CALR3: variants seen among roughly 807,000 people sequenced by gnomAD.
CALR3 encodes calreticulin-3.
CALR3 carries 39 observed loss-of-function variants against 48.7 expected under a neutral mutation model. The ratio of observed to expected loss-of-function variants is 0.80; its 90% CI spans 0.62 to 1.05. CALR3 has a LOEUF of 1.05. Among genes scored for constraint, CALR3 ranks in the 50% least tolerant of loss-of-function variants. The pLI, the probability that CALR3 is intolerant of heterozygous loss-of-function variation, is 0.00. For synonymous variants in CALR3, 185 were observed against 172.7 expected, an observed-to-expected ratio of 1.07 and a Z score of -0.56; for missense variants, 449 against 474.7, an observed-to-expected ratio of 0.95 and a Z score of 0.50.
At chr19:16,495,716 C>T (rs770362194) in intron 2 of CALR3, 35 bp downstream of exon 2, 1 of 1,520,522 alleles carries the variant, frequency 6.6e-7, no homozygotes, top group East Asian at 2.2e-5. Flanking sequence ...GGAAATGTAA[C>T]ATTAGGCTCA....
chr19:16,482,570 T>C lies in CALR3; in HGVS notation c.798A>G (p.Lys266=). 2 of 1,614,174 alleles carry C rather than the reference T, an allele frequency of 1.2e-6. No individual in the cohort carries two copies. Among genetic ancestry groups the C allele is most frequent in the Non-Finnish European group, 1.7e-6 (2 of 1,180,046 alleles). Residue 266 remains lysine (K), a synonymous_variant, in exon 7 of 9, where the codon AAA becomes AAG. Transcript: ENST00000269881. ...AGACGTCTTTATGAATACCTTCTGG[T>C]TTCAGGCCATCCTGTATCAAAAAAA... ...LQKPPYQDGL[K]PEGIHKDVWL... is the part of the protein sequence containing the mutation.
Position 16,485,171 on chromosome 19 carries a change from T to A in CALR3, c.484A>T (p.Arg162Trp), listed in dbSNP as rs1172919657. ...NKYHENKKLI[R>W]CKVDGFTHLY... ...AATACAAGAGCAGTTACCTTACACC[T>A]GATCAGTTTCTTGTTTTCGTGATAC... is the stretch of plus-strand genomic sequence containing the variant. Residue 162 changes from arginine to tryptophan, a missense_variant, in exon 4 of 9, where the codon AGG becomes TGG. By Grantham distance (101) the Arg-to-Trp change is moderately radical (BLOSUM62 -3). Coordinates refer to ENST00000269881, the MANE Select transcript of CALR3 (RefSeq NM_145046.5). The A allele has an allele frequency of 1.9e-6, 3 of 1,595,836 alleles. No homozygotes were observed. The highest frequency in any genetic ancestry group is 2.6e-6 in the Non-Finnish European group (3 of 1,163,708).
chr19:16,483,794 G>A lies in CALR3; in HGVS notation c.678+136C>T, dbSNP rs564650089. 3.9e-6 allele frequency: 3 copies of A among 768,442 alleles called. No individual in the cohort carries two copies. The African/African-American group carries it at 5.2e-5, about 13-fold the overall frequency. 47.6% of individuals were successfully genotyped at this position (768,442 alleles called of 1,614,324 possible). ...TGTGTAGAGATGTGGCTGGTCTGCA[G>A]TGTGTGCTCTGGGGAGGGCATTTGG... On this transcript the variant is annotated intron_variant, in intron 5 of 8. Coordinates refer to ENST00000269881, the MANE Select transcript of CALR3 (RefSeq NM_145046.5).
chr19:16,489,904 T>A (rs1482967452), intron 3 of CALR3, among the ~76,000 whole-genome samples: 1 of 151,938 alleles, frequency 6.6e-6, no homozygotes, highest in Non-Finnish European at 1.5e-5. Flanking sequence ...AATCAAAAAA[T>A]CGCAAATCTG....
intron 2 of CALR3, 77 bp downstream of exon 2, chr19:16,495,674 G>T: frequency 8.9e-7 from 1 of 1,120,034 alleles, no homozygotes; most frequent in Non-Finnish European, 1.4e-6. Flanking sequence ...AAGCGTTTTG[G>T]CTGTGCCACA....
intron 8 of CALR3, among the ~76,000 whole-genome samples, chr19:16,479,756 TCAAAA>T (rs527383415): frequency 1.1e-4 from 17 of 151,104 alleles, no homozygotes; most frequent in Admixed American, 5.3e-4. Context: ...AAAACCCGTC[TCAAAA>T]CAAAACAAAA....
chr19:16,483,616 G>GTAATA, intron 5 of CALR3: 1 of 284,852 alleles, frequency 3.5e-6, no homozygotes, highest in Non-Finnish European at 6.9e-6. Flanking sequence ...TATTCGGGAG[G>GTAATA]CTGAGGCAGG....
chr19:16,495,615 C>A (rs2093406520), intron 2 of CALR3, 136 bp downstream of exon 2: 1 of 693,520 alleles, frequency 1.4e-6, no homozygotes, highest in East Asian at 2.8e-5. Context: ...AAAGGAGCCC[C>A]TTAAGTTCTA....
At position 16,482,587 on chromosome 19, in the gene CALR3, T is replaced by G. The variant is rs370008854; in HGVS notation, c.787-6A>C. On this transcript the variant is annotated splice_region_variant and splice_polypyrimidine_tract_variant and intron_variant, in intron 6 of 8. Coordinates refer to ENST00000269881, the MANE Select transcript of CALR3 (RefSeq NM_145046.5). ...CCTTCTGGTTTCAGGCCATCCTGTA[T>G]CAAAAAAACCATATGGGGTGGTCTC... 6.2e-7 allele frequency: 1 copy of G among 1,614,110 alleles called. No homozygotes were observed.
At chr19:16,481,285 CA>C (rs1392965116) in intron 7 of CALR3, among the ~76,000 whole-genome samples, 1 of 152,088 alleles carries the variant, frequency 6.6e-6, no homozygotes, top group Non-Finnish European at 1.5e-5. Context: ...ACATATGTAA[CA>C]ACTTTTCAAA....
chr19:16,480,385 C>T (rs1335324096), intron 8 of CALR3, among the ~76,000 whole-genome samples: 1 of 151,630 alleles, frequency 6.6e-6, no homozygotes, highest in Non-Finnish European at 1.5e-5. Flanking sequence ...AACCCCCTCT[C>T]TACTAAAAAT....
At chr19:16,486,438 G>A (rs1466120834) in intron 3 of CALR3, among the ~76,000 whole-genome samples, 3 of 151,900 alleles carry the variant, frequency 2.0e-5, no homozygotes, top group African/African-American at 7.3e-5. Flanking sequence ...TGACTAACAT[G>A]GTGAAACCCC....
Position 16,482,580 on chromosome 19 carries a change from T to C in CALR3, c.788A>G (p.Asp263Gly), listed in dbSNP as rs779188602. 3 of 1,613,998 alleles carry C rather than the reference T, an allele frequency of 1.9e-6. No individual in the cohort carries two copies. The East Asian group carries it at 6.7e-5, about 36-fold the overall frequency. Reference protein sequence around the residue: ...APMLQKPPYQDGLKPEGIHKD... With the variant: ...APMLQKPPYQGGLKPEGIHKD... ...ATGAATACCTTCTGGTTTCAGGCCA[T>C]CCTGTATCAAAAAAACCATATGGGG... Residue 263 changes from aspartate (D) to glycine (G), a missense_variant and splice_region_variant, in exon 7 of 9, where the codon GAT (aspartate) becomes GGT (glycine). Transcript: ENST00000269881.
intron 3 of CALR3, among the ~76,000 whole-genome samples, chr19:16,486,846 CAA>C (rs1192506923): frequency 6.6e-6 from 1 of 152,052 alleles, no homozygotes; most frequent in Non-Finnish European, 1.5e-5. Flanking sequence ...CTCATTGCAA[CAA>C]AGTGTCCCAA....
intron 8 of CALR3, among the ~76,000 whole-genome samples, 161 bp downstream of exon 8, chr19:16,480,453 G>A (rs1195475343): frequency 6.6e-6 from 1 of 151,988 alleles, no homozygotes; most frequent in African/African-American, 2.4e-5. Context: ...TTGGGAGTCT[G>A]AGGCAGGAGA....
intron 3 of CALR3, 86 bp from the exon 4 acceptor site, chr19:16,485,343 T>C: frequency 1.1e-6 from 1 of 874,664 alleles, no homozygotes; most frequent in Non-Finnish European, 1.9e-6. Flanking sequence ...TTTTTTTTTT[T>C]TGAGACGGAG....
chr19:16,494,351 C>T (rs1193994932), intron 2 of CALR3, among the ~76,000 whole-genome samples: 1 of 150,994 alleles, frequency 6.6e-6, no homozygotes, highest in African/African-American at 2.4e-5. Context: ...CGTGAGCCAC[C>T]GTGCCTGACC....
At chr19:16,495,354 G>A (rs1225225706) in intron 2 of CALR3, among the ~76,000 whole-genome samples, 1 of 151,908 alleles carries the variant, frequency 6.6e-6, no homozygotes, top group Non-Finnish European at 1.5e-5. Context: ...CATGAGGTCA[G>A]GAGTTCGAGA....
intron 2 of CALR3, among the ~76,000 whole-genome samples, chr19:16,493,472 C>A (rs1045584611): frequency 2.0e-5 from 3 of 151,412 alleles, no homozygotes; most frequent in East Asian, 1.9e-4. Flanking sequence ...GACTTCTATT[C>A]TTTGGGATCT....
Sources: gnomAD v4.1 joint callset for allele counts (sites outside exome capture counted in the v4.1 genomes callset) on GRCh38, gnomAD v4.1.1 for gene constraint, MANE v1.5 for transcripts, NCBI Gene and HGNC (gene_info 2026-07-23, HGNC 2026-07-21) for gene names.